The following METTL9 variants were observed in gnomAD, a reference collection of about 807,000 sequenced individuals.
The protein encoded by METTL9 is protein-L-histidine N-pros-methyltransferase.
A neutral mutation model predicts 36.0 loss-of-function variants in METTL9; 10 were observed. The ratio of observed to expected loss-of-function variants is 0.28; its 90% CI spans 0.17 to 0.47. The LOEUF is 0.47. Among genes scored for constraint, METTL9 ranks in the 20% least tolerant of loss-of-function variants. The pLI is 0.99. For missense variants in METTL9, 246 were observed against 383.5 expected, an observed-to-expected ratio of 0.64 and a Z score of 3.00; for synonymous variants, 175 against 149.7, an observed-to-expected ratio of 1.17 and a Z score of -1.23.
intron 4 of METTL9, chr16:21,643,011 C>G (rs996015047): frequency 3.1e-5 from 34 of 1,084,316 alleles, no homozygotes; most frequent in Non-Finnish European, 4.6e-5. Flanking sequence ...TCCTTGGCAG[C>G]TTAGTTTTTT....
chr16:21,608,579 G>C (rs1051941415), intron 1 of METTL9, among the ~76,000 whole-genome samples: 2 of 152,118 alleles, frequency 1.3e-5, no homozygotes, highest in Non-Finnish European at 2.9e-5. Flanking sequence ...CCATGTATGG[G>C]TTCTCAAGCA....
rs146422757 is a variant in METTL9, at chr16:21,643,138, C to T, written c.752-12089C>T. The T allele has an allele frequency of 6.5e-4, 1,045 of 1,605,968 alleles. 1 individual carries two copies. Among genetic ancestry groups the T allele is most frequent in the Middle Eastern group, 1.7e-3 (10 of 6,048 alleles). On this transcript the variant is annotated intron_variant, in intron 4 of 4. Coordinates refer to ENST00000358154, the MANE Select transcript of METTL9 (RefSeq NM_016025.5). ...TTCTTGAGCAATTTCCTGAAAAATA[C>T]GCCGAGCACTCTTCTTCTATAAAGA... is the stretch of plus-strand genomic sequence containing the variant.
intron 4 of METTL9, chr16:21,640,979 A>T (rs1966249023): frequency 6.6e-6 from 1 of 152,120 alleles, no homozygotes; most frequent in Admixed American, 6.6e-5. Flanking sequence ...TAGCCACTAT[A>T]TTATTCTCAT....
rs570739982 is a variant in METTL9, at chr16:21,617,445, A to T, written c.357-420A>T. Among the ~76,000 whole-genome samples, 48 of 112,678 alleles carry T rather than the reference A, an allele frequency of 4.3e-4. 1 individual carries two copies. The highest frequency in any genetic ancestry group is 1.7e-3 in the African/African-American group (48 of 27,984). 73.9% of individuals were successfully genotyped at this position (112,678 alleles called of 152,430 possible). A position where few individuals can be genotyped will look rare whatever the true frequency, so the allele number is the denominator to read the frequency against. On this transcript the variant is annotated intron_variant, in intron 2 of 4. Transcript: ENST00000358154. ...CAAAAAAAAAAAGAAAAAAAAAATT[A>T]GGCCAGGCGCAGTGGCCCATGCCTG...
chr16:21,624,902 G>A (rs780606856), intron 3 of METTL9, 29 bp from the exon 4 acceptor site: 4 of 1,600,134 alleles, frequency 2.5e-6, no homozygotes, highest in Non-Finnish European at 2.6e-6. Context: ...GGGACTTTAT[G>A]TTAATACAGT....
chr16:21,618,823 C>T lies in METTL9; in HGVS notation c.566+749C>T, dbSNP rs181260875. Among the ~76,000 whole-genome samples the T allele has an allele frequency of 3.5e-4, 53 of 152,182 alleles. No homozygotes were observed. In the East Asian group the frequency reaches 9.1e-3, roughly 26 times the overall value. ...CTACCTCTCAGGTTCAAGCAATTCT[C>T]CTGCCTCAGCCTCCCAAGTAGCTGG... On this transcript the variant is annotated intron_variant, in intron 3 of 4. Coordinates refer to ENST00000358154, the MANE Select transcript of METTL9 (RefSeq NM_016025.5).
At chr16:21,621,240 T>G (rs1193135352) in intron 3 of METTL9, among the ~76,000 whole-genome samples, 6 of 152,124 alleles carry the variant, frequency 3.9e-5, no homozygotes, top group Non-Finnish European at 8.8e-5. Context: ...CTTGAACTCC[T>G]GGCCTCAAAC....
intron 4 of METTL9, chr16:21,654,251 TAGTC>T (rs1237878889): frequency 6.6e-6 from 1 of 152,176 alleles, no homozygotes; most frequent in Admixed American, 6.5e-5. Flanking sequence ...TTCACTGTGT[TAGTC>T]AGGATGGTCT....
chr16:21,624,896 CTTTATG>C (rs754005580), intron 3 of METTL9, 29 bp from the exon 4 acceptor site: 2 of 1,588,264 alleles, frequency 1.3e-6, no homozygotes, highest in South Asian at 2.2e-5. Flanking sequence ...TTTAGAGGGA[CTTTATG>C]TTAATACAGT....
At chr16:21,610,023 T>C (rs1965390196) in intron 1 of METTL9, among the ~76,000 whole-genome samples, 1 of 152,146 alleles carries the variant, frequency 6.6e-6, no homozygotes, top group Non-Finnish European at 1.5e-5. Context: ...ATTTATCCTT[T>C]TAAAGAGTAC....
At chr16:21,636,614 C>T (rs1966100781) in intron 4 of METTL9, among the ~76,000 whole-genome samples, 1 of 152,106 alleles carries the variant, frequency 6.6e-6, no homozygotes, top group Non-Finnish European at 1.5e-5. Context: ...TTGTTGGGAC[C>T]CCGGAGCTGA....
chr16:21,633,969 G>GT (rs764088315), intron 4 of METTL9, among the ~76,000 whole-genome samples: 12 of 152,076 alleles, frequency 7.9e-5, no homozygotes, highest in Non-Finnish European at 1.2e-4. Flanking sequence ...CAACAGATGG[G>GT]TAACTTGTTC....
rs145105062 is a variant in METTL9, at chr16:21,621,732, C to A, written c.567-3199C>A. 2.0e-5 allele frequency among the ~76,000 whole-genome samples: 3 copies of A among 152,266 alleles called. No homozygotes were observed. The East Asian group carries it at 5.8e-4, about 29-fold the overall frequency. ...TATGCCAGAAAACCCAATTGTAAAA[C>A]TAAAGGATGTGGTTTTGATTTTTAC... On this transcript the variant is annotated intron_variant, in intron 3 of 4. Coordinates refer to ENST00000358154, the MANE Select transcript of METTL9 (RefSeq NM_016025.5).
intron 1 of METTL9, among the ~76,000 whole-genome samples, chr16:21,610,587 G>A (rs1243989006): frequency 1.3e-5 from 2 of 152,310 alleles, no homozygotes; most frequent in East Asian, 3.9e-4. Flanking sequence ...CTGTGTGACA[G>A]TAAGGGTTCA....
chr16:21,600,207 C>T (rs976312340), intron 1 of METTL9, among the ~76,000 whole-genome samples: 2 of 152,132 alleles, frequency 1.3e-5, no homozygotes, highest in African/African-American at 4.8e-5. Context: ...TGCGGACGCC[C>T]GGCAGCGGGA....
intron 1 of METTL9, among the ~76,000 whole-genome samples, chr16:21,609,578 AAG>A (rs1259682809): frequency 2.0e-5 from 3 of 152,110 alleles, no homozygotes; most frequent in Admixed American, 6.5e-5. Context: ...GAACCAGGTG[AAG>A]AGAGAGTGGG....
intron 2 of METTL9, among the ~76,000 whole-genome samples, chr16:21,616,941 G>A (rs1221288306): frequency 1.3e-5 from 2 of 151,870 alleles, no homozygotes; most frequent in Non-Finnish European, 2.9e-5. Context: ...TTTGACTTAA[G>A]TTCTTCACAT....
intron 3 of METTL9, 63 bp from the exon 4 acceptor site, chr16:21,624,868 G>A: frequency 1.4e-6 from 2 of 1,431,484 alleles, no homozygotes; most frequent in Non-Finnish European, 2.0e-6. Context: ...TGTCATCTCA[G>A]TTATTTTTAA....
At chr16:21,651,537 A>C (rs1325943865) in intron 4 of METTL9, among the ~76,000 whole-genome samples, 1 of 151,966 alleles carries the variant, frequency 6.6e-6, no homozygotes, top group Non-Finnish European at 1.5e-5. Context: ...CCTGAGCTCA[A>C]GTGATCCTCT....
Sources: allele counts gnomAD v4.1 joint callset (sites outside exome capture counted in the v4.1 genomes callset), GRCh38; gene constraint gnomAD v4.1.1; transcripts MANE v1.5; gene names NCBI Gene and HGNC (gene_info 2026-07-23, HGNC 2026-07-21).